Variants in MAB21L4 observed in about 807,000 individuals in gnomAD.
The protein encoded by MAB21L4 is protein mab-21-like 4.
Under a neutral mutation model 32.4 loss-of-function variants are expected in MAB21L4, and 25 were observed. That is an observed-to-expected ratio of 0.77 (90% CI 0.56 to 1.08). The LOEUF is 1.08. MAB21L4 is among the 50% of genes least tolerant of loss of function. The pLI is 0.00. For missense variants in MAB21L4, 638 were observed against 611.0 expected (o/e 1.04, Z -0.47); for synonymous variants, 280 against 276.8 (o/e 1.01, Z -0.11).
In MAB21L4 at chr2:240,891,585, G is replaced by A. The variant is rs1450243099; in HGVS notation, c.693C>T (p.Ile231=). The part of the protein sequence containing the change: ...PGFPEGSLRR[I]LSQGVDLVPA... The stretch of plus-strand genomic sequence containing the variant: ...GCACCAGGTCCACCCCTTGGCTGAG[G>A]ATCCTTCTCAAGCTGCCCTCAGGGA... The change falls in exon 2 of 5, where the codon ATC becomes ATT. Residue 231 remains isoleucine, a synonymous_variant. Transcript: ENST00000388934. 2.5e-6 allele frequency: 4 copies of A among 1,611,068 alleles called. No homozygotes were observed. Among genetic ancestry groups the A allele is most frequent in the Non-Finnish European group, 3.4e-6 (4 of 1,179,948 alleles).
rs1030638160 is a variant in MAB21L4 at position 240,886,876 on chromosome 2, G to A, written c.*194C>T. The A allele has an allele frequency of 5.4e-6, 3 of 554,928 alleles. No homozygotes were observed. The East Asian group carries it at 8.9e-5, about 17-fold the overall frequency. The allele number at this position is 554,928 out of a possible 1,614,324, so 34.4% of individuals were successfully genotyped here. A position where few individuals can be genotyped will look rare whatever the true frequency, so the allele number is the denominator to read the frequency against. The stretch of plus-strand genomic sequence containing the variant: ...ATCCAGGCCCTGACCCAGGGAGGAG[G>A]TGCTCCAAGAGGCCTGCCCTGCCCC... On this transcript the variant is annotated 3_prime_UTR_variant, in exon 5 of 5. Transcript: ENST00000388934.
intron 1 of MAB21L4, among the ~76,000 whole-genome samples, chr2:240,895,091 G>A (rs902567640): frequency 1.6e-4 from 25 of 152,182 alleles, no homozygotes; most frequent in African/African-American, 5.8e-4. Flanking sequence ...CAAGAGAGCC[G>A]CCTGCCCAGA....
At chr2:240,895,338 GC>G in intron 1 of MAB21L4, 145 bp downstream of exon 1, 1 of 729,788 alleles carries the variant, frequency 1.4e-6, no homozygotes, top group Non-Finnish European at 2.2e-6. Flanking sequence ...GCCTGTGCGT[GC>G]AGTCACACAC....
intron 1 of MAB21L4, among the ~76,000 whole-genome samples, chr2:240,894,949 A>C (rs2059176379): frequency 6.6e-6 from 1 of 152,224 alleles, no homozygotes; most frequent in South Asian, 2.1e-4. Flanking sequence ...CTGCACACGC[A>C]TTCACACCCC....
intron 2 of MAB21L4, among the ~76,000 whole-genome samples, chr2:240,890,870 A>T (rs1268825843): frequency 6.6e-6 from 1 of 152,228 alleles, no homozygotes; most frequent in African/African-American, 2.4e-5. Flanking sequence ...CCTCGCGTGA[A>T]GGGGTCAGAG....
chr2:240,887,324 GGCCCCAGCCTCTGCTGCTCCCTGA>G (rs2106436091), intron 4 of MAB21L4, among the ~76,000 whole-genome samples, 162 bp from the exon 5 acceptor site: 1 of 152,304 alleles, frequency 6.6e-6, no homozygotes, highest in East Asian at 1.9e-4. Flanking sequence ...GAGGCGGAGC[GGCCCCAGCCTCTGCTGCTCCCTGA>G]GCCCCTCCTC....
intron 1 of MAB21L4, among the ~76,000 whole-genome samples, chr2:240,892,797 G>A (rs13393133): frequency 3.3e-5 from 5 of 151,528 alleles, no homozygotes; most frequent in East Asian, 2.0e-4. Context: ...TCCCCTCCTC[G>A]GACCCCACCC....
chr2:240,892,993 G>A (rs898755174), intron 1 of MAB21L4, among the ~76,000 whole-genome samples: 2 of 152,106 alleles, frequency 1.3e-5, no homozygotes, highest in African/African-American at 4.8e-5. Context: ...AAGAGGTGAG[G>A]TGTCACTCAG....
rs768362452 is a variant in MAB21L4 at position 240,895,811 on chromosome 2, G to A, written c.187C>T (p.Arg63Cys). The A allele has an allele frequency of 3.2e-5, 51 of 1,600,418 alleles. No homozygotes were observed. Among genetic ancestry groups the A allele is most frequent in the Middle Eastern group, 1.7e-4 (1 of 6,030 alleles). Residue 63 changes from arginine (R) to cysteine (C), a missense_variant, in exon 1 of 5, where the codon CGT becomes TGT. By Grantham distance (180) the Arg-to-Cys change is radical (BLOSUM62 -3). Transcript: ENST00000388934. Reference sequence around the variant, plus strand: ...GCGAACTGGAAGGCCTCCAGGCCACGGGAGTAGTCCACGATGAAGCGGGGG... The same window carrying A: ...GCGAACTGGAAGGCCTCCAGGCCACAGGAGTAGTCCACGATGAAGCGGGGG... ...LDPRFIVDYS[R>C]GLEAFQFALR...
At chr2:240,892,956 C>A (rs913262862) in intron 1 of MAB21L4, among the ~76,000 whole-genome samples, 5 of 152,160 alleles carry the variant, frequency 3.3e-5, no homozygotes, top group East Asian at 1.9e-4. Context: ...CCCTACCCCC[C>A]CAAAAACAAA....
intron 1 of MAB21L4, among the ~76,000 whole-genome samples, chr2:240,892,647 G>A (rs1051170279): frequency 7.9e-5 from 12 of 151,972 alleles, no homozygotes; most frequent in Non-Finnish European, 1.5e-4. Flanking sequence ...GCCCAGGCCA[G>A]CAGGCTCACA....
upstream of MAB21L4, chr2:240,896,810 T>C (rs987766095): frequency 5.2e-5 from 5 of 95,924 alleles, no homozygotes; most frequent in Non-Finnish European, 7.6e-5. Context: ...GGCACCCACC[T>C]AGCCTGGGAG....
At chr2:240,890,599 A>T (rs1479524092) in intron 2 of MAB21L4, among the ~76,000 whole-genome samples, 1 of 152,148 alleles carries the variant, frequency 6.6e-6, no homozygotes, top group African/African-American at 2.4e-5. Context: ...AGAGCAGCTC[A>T]CACCAGATGA....
Position 240,888,316 on chromosome 2 carries a change from G to C in MAB21L4, c.1227C>G (p.Ala409=), listed in dbSNP as rs1295597214. 7 of 1,580,836 alleles carry C rather than the reference G, an allele frequency of 4.4e-6. No homozygotes were observed. The highest frequency in any genetic ancestry group is 6.0e-6 in the Non-Finnish European group (7 of 1,167,670). The part of the protein sequence containing the change: ...PASDPTYWAT[A]YFDVLLDKFQ... ...CCTTGTCCAGCAGGACGTCGAAGTAGGCAGTGGCCCAGTAAGTGGGGTCAC... is the reference window on the plus strand; with the variant it reads ...CCTTGTCCAGCAGGACGTCGAAGTACGCAGTGGCCCAGTAAGTGGGGTCAC... Residue 409 remains alanine (A), a synonymous_variant, in exon 4 of 5, where the codon GCC becomes GCG. Coordinates refer to ENST00000388934, the MANE Select transcript of MAB21L4 (RefSeq NM_001085437.3).
chr2:240,887,193 AC>A, intron 4 of MAB21L4, 31 bp from the exon 5 acceptor site: 2 of 1,567,760 alleles, frequency 1.3e-6, no homozygotes, highest in African/African-American at 2.7e-5. Context: ...GAGAAGGGTT[AC>A]AGGGACCCCT....
upstream of MAB21L4, chr2:240,896,248 G>T: frequency 9.6e-7 from 1 of 1,041,488 alleles, no homozygotes; most frequent in Non-Finnish European, 1.2e-6. Flanking sequence ...GCCATGCAGG[G>T]CAGGCGGGGG....
At chr2:240,888,674 G>C in intron 3 of MAB21L4, 26 bp from the exon 4 acceptor site, 1 of 1,465,078 alleles carries the variant, frequency 6.8e-7, no homozygotes, top group Non-Finnish European at 9.1e-7. Flanking sequence ...GTCAGCCCTG[G>C]CCTCCTGGCC....
intron 1 of MAB21L4, chr2:240,892,029 C>T: frequency 6.7e-7 from 1 of 1,489,384 alleles, no homozygotes. Flanking sequence ...CGACTTGCAG[C>T]ACCAGTGATG....
chr2:240,887,326 C>A (rs2059104297), intron 4 of MAB21L4, among the ~76,000 whole-genome samples, 164 bp from the exon 5 acceptor site: 1 of 152,206 alleles, frequency 6.6e-6, no homozygotes, highest in Non-Finnish European at 1.5e-5. Context: ...GGCGGAGCGG[C>A]CCCAGCCTCT....
Sources: allele counts gnomAD v4.1 joint callset (sites outside exome capture counted in the v4.1 genomes callset), GRCh38; gene constraint gnomAD v4.1.1; transcripts MANE v1.5; gene names NCBI Gene and HGNC (gene_info 2026-07-23, HGNC 2026-07-21).